ZNF37A: variants seen among roughly 807,000 people sequenced by gnomAD.
ZNF37A encodes the protein zinc finger protein 37A, also known as zinc finger protein 37a (KOX 21).
ZNF37A carries 10 observed loss-of-function variants against 12.3 expected under a neutral mutation model. The ratio of observed to expected loss-of-function variants is 0.82; its 90% CI spans 0.50 to 1.38. The LOEUF (loss-of-function observed/expected upper bound fraction) is 1.38. Among genes scored for constraint, ZNF37A ranks in the 40% most tolerant of loss-of-function variants. ZNF37A has a pLI of 0.00. For synonymous variants in ZNF37A, 207 were observed against 223.0 expected (o/e 0.93, Z 0.64); for missense variants, 580 against 651.2 (o/e 0.89, Z 1.19).
intron 4 of ZNF37A, among the ~76,000 whole-genome samples, 183 bp downstream of exon 4, chr10:38,095,987 C>T (rs558947028): frequency 6.6e-6 from 1 of 152,126 alleles, no homozygotes; most frequent in South Asian, 2.1e-4. Context: ...GAGTTCGAGA[C>T]CAGCCTGGCC....
intron 5 of ZNF37A, among the ~76,000 whole-genome samples, chr10:38,111,485 A>T (rs1358040224): frequency 1.4e-5 from 2 of 140,824 alleles, no homozygotes; most frequent in Non-Finnish European, 3.2e-5. Context: ...GTATAATAAT[A>T]AAAAAAAAAA....
intron 7 of ZNF37A, among the ~76,000 whole-genome samples, chr10:38,135,853 A>G (rs1564387386): frequency 6.6e-6 from 1 of 152,138 alleles, no homozygotes; most frequent in Admixed American, 6.5e-5. Flanking sequence ...TCATGATTCA[A>G]TTACCTCCCA....
intron 5 of ZNF37A, among the ~76,000 whole-genome samples, chr10:38,105,936 T>C (rs1483567981): frequency 2.0e-5 from 3 of 151,930 alleles, no homozygotes; most frequent in Non-Finnish European, 2.9e-5. Context: ...GCAAATAGAG[T>C]AGTTTTACTT....
chr10:38,121,724 CAAAT>C lies in ZNF37A; in HGVS notation c.*2896_*2899del, dbSNP rs972971490. The C allele has an allele frequency of 1.5e-4, 23 of 152,222 alleles. No homozygotes were observed. The highest frequency in any genetic ancestry group is 5.5e-4 in the African/African-American group (23 of 41,532). 9.4% of individuals were successfully genotyped at this position (152,222 alleles called of 1,614,324 possible). On this transcript the variant is annotated 3_prime_UTR_variant, in exon 8 of 8. Transcript: ENST00000685332. ...CTCATATCTTTTAAATATATAGGAACAAATAAATAAATTGTTGTGTGTGCACATA... is the reference window on the plus strand; with the variant it reads ...CTCATATCTTTTAAATATATAGGAACAAATAAATTGTTGTGTGTGCACATA...
rs1407531927 is a variant in ZNF37A at position 38,119,668 on chromosome 10, G to C, written c.*831G>C. On this transcript the variant is annotated 3_prime_UTR_variant, in exon 8 of 8. Transcript: ENST00000685332. Reference sequence around the variant, plus strand: ...TGCTATTTTCTAAGAGACTTCTAAAGACGCCACTCAAGCCAATGGCTATAA... The same window carrying C: ...TGCTATTTTCTAAGAGACTTCTAAACACGCCACTCAAGCCAATGGCTATAA... The C allele has an allele frequency of 6.5e-6, 1 of 153,614 alleles. No homozygotes were observed. Among genetic ancestry groups the C allele is most frequent in the African/African-American group, 2.4e-5 (1 of 41,460 alleles). The allele number at this position is 153,614 out of a possible 1,614,324, so 9.5% of individuals were successfully genotyped here.
In ZNF37A at chr10:38,117,905, T is replaced by C. The variant is rs2069406686; in HGVS notation, c.754T>C (p.Phe252Leu). Reference sequence around the variant, plus strand: ...TGAATATAATGAGTGTGGAACATTTTTCAGTGAAAAATTAGTCCTTCATTT... The same window carrying C: ...TGAATATAATGAGTGTGGAACATTTCTCAGTGAAAAATTAGTCCTTCATTT... The part of the protein sequence containing the change: ...IIEYNECGTF[F>L]SEKLVLHLQQ... The change falls in exon 8 of 8, where the codon TTC becomes CTC. Residue 252 changes from phenylalanine to leucine, a missense_variant. Transcript: ENST00000685332. 1.2e-6 allele frequency: 2 copies of C among 1,613,956 alleles called. No homozygotes were observed. Among genetic ancestry groups the C allele is most frequent in the East Asian group, 4.5e-5 (2 of 44,880 alleles).
In ZNF37A at chr10:38,118,704, C is replaced by A; in HGVS notation, c.1553C>A (p.Thr518Lys). 1 of 1,613,934 alleles carries A rather than the reference C, an allele frequency of 6.2e-7. No homozygotes were observed. The highest frequency in any genetic ancestry group is 8.5e-7 in the Non-Finnish European group (1 of 1,179,952). Residue 518 changes from threonine to lysine, a missense_variant, in exon 8 of 8, where the codon ACA (threonine) becomes AAA (lysine). Thr to Lys is a moderately conservative substitution (Grantham distance 78). Transcript: ENST00000685332. ...CTCATTGCACATCATAGAACACACA[C>A]AGGGGAGAAACCCTATGAATGTAAT... ...SKLIAHHRTH[T>K]GEKPYECNVC...
chr10:38,117,754 T>C lies in ZNF37A; in HGVS notation c.603T>C (p.Tyr201=), dbSNP rs1320225054. The change falls in exon 8 of 8, where the codon TAT becomes TAC. Residue 201 remains tyrosine, a synonymous_variant. Transcript: ENST00000685332. ...HQQTHPRENH[Y]GNECGENIFE... ...AAACACATCCAAGAGAAAACCACTA[T>C]GGTAATGAATGTGGAGAAAATATCT... The C allele has an allele frequency of 6.2e-7, 1 of 1,613,882 alleles. No homozygotes were observed. Among genetic ancestry groups the C allele is most frequent in the African/African-American group, 1.3e-5 (1 of 74,906 alleles).
At position 38,119,350 on chromosome 10, in the gene ZNF37A, G is replaced by C. The variant is rs1409135061; in HGVS notation, c.*513G>C. ...AAAATCATTCTGTGTGAAGTCAAGA[G>C]GCCAGAGAAAATGCACAAACTGTAG... is the stretch of plus-strand genomic sequence containing the variant. On this transcript the variant is annotated 3_prime_UTR_variant, in exon 8 of 8. Transcript: ENST00000685332. 1 of 1,005,272 alleles carries C rather than the reference G, an allele frequency of 9.9e-7. No homozygotes were observed. The highest frequency in any genetic ancestry group is 1.7e-5 in the African/African-American group (1 of 57,312). 62.3% of individuals were successfully genotyped at this position (1,005,272 alleles called of 1,614,324 possible).
intron 5 of ZNF37A, among the ~76,000 whole-genome samples, chr10:38,104,426 G>A (rs763103068): frequency 3.8e-4 from 58 of 151,630 alleles, no homozygotes; most frequent in Non-Finnish European, 1.3e-4. Context: ...TAATTAGATT[G>A]GAGAATTCTG....
chr10:38,131,812 C>T (rs1301582778), intron 7 of ZNF37A, among the ~76,000 whole-genome samples: 3 of 152,136 alleles, frequency 2.0e-5, no homozygotes, highest in African/African-American at 7.2e-5. Flanking sequence ...TTTCTTTCAG[C>T]AGCATTTTAT....
exon 8 of ZNF37A, chr10:38,149,514 C>T (rs751816672): frequency 9.3e-5 from 14 of 149,892 alleles, no homozygotes; most frequent in Middle Eastern, 3.6e-3. Context: ...AGTCCCTATC[C>T]GCTTTTCTTC....
At position 38,114,868 on chromosome 10, in the gene ZNF37A, C is replaced by T; in HGVS notation, c.129C>T (p.His43=). 3 of 1,612,418 alleles carry T rather than the reference C, an allele frequency of 1.9e-6. No homozygotes were observed. Among genetic ancestry groups the T allele is most frequent in the Non-Finnish European group, 2.5e-6 (3 of 1,179,362 alleles). ...YRDVMLENYS[H]LVSVGYCIPK... ...ATGTGATGCTGGAGAACTACAGCCA[C>T]CTTGTCTCAGTAGGTAGGTAGGAAT... Residue 43 remains histidine (H), a synonymous_variant, in exon 6 of 8, where the codon CAC becomes CAT. Transcript: ENST00000685332.
rs894317103 is a variant in ZNF37A, at chr10:38,119,524, A to G, written c.*687A>G. 1 of 515,738 alleles carries G rather than the reference A, an allele frequency of 1.9e-6. No individual in the cohort carries two copies. Among genetic ancestry groups the G allele is most frequent in the Middle Eastern group, 1.0e-3 (1 of 978 alleles). The allele number at this position is 515,738 out of a possible 1,614,324, so 31.9% of individuals were successfully genotyped here. On this transcript the variant is annotated 3_prime_UTR_variant, in exon 8 of 8. Transcript: ENST00000685332. Reference sequence around the variant, plus strand: ...TTTTAAGTTAAAATCTAAATTTAATATAGAACAGAGGTGTTGAGTTGCAGG... The same window carrying G: ...TTTTAAGTTAAAATCTAAATTTAATGTAGAACAGAGGTGTTGAGTTGCAGG...
intron 5 of ZNF37A, among the ~76,000 whole-genome samples, chr10:38,111,630 A>T (rs1303980513): frequency 2.6e-5 from 4 of 152,100 alleles, no homozygotes; most frequent in African/African-American, 9.7e-5. Flanking sequence ...TTTAATCCTA[A>T]TTTCTCTTTT....
In ZNF37A at chr10:38,121,349, GATTT is replaced by G. The variant is rs1227340750; in HGVS notation, c.*2516_*2519del. The G allele has an allele frequency of 2.0e-5, 3 of 152,126 alleles. No homozygotes were observed. In the East Asian group the frequency reaches 5.8e-4, roughly 29 times the overall value. 9.4% of individuals were successfully genotyped at this position (152,126 alleles called of 1,614,324 possible). A position where few individuals can be genotyped will look rare whatever the true frequency, so the allele number is the denominator to read the frequency against. The stretch of plus-strand genomic sequence containing the variant: ...GAGATGTTTATTAGGGCAATCAAAA[GATTT>G]ATTATTTTAAAAAAATCAGTGTGGA... On this transcript the variant is annotated 3_prime_UTR_variant, in exon 8 of 8. Transcript: ENST00000685332.
At chr10:38,106,140 G>A (rs573678383) in intron 5 of ZNF37A, among the ~76,000 whole-genome samples, 2 of 152,130 alleles carry the variant, frequency 1.3e-5, no homozygotes, top group Admixed American at 1.3e-4. Context: ...GCTTTATTAT[G>A]TGGAGGAACA....
At chr10:38,112,805 C>CTTGG (rs2068919665) in intron 5 of ZNF37A, among the ~76,000 whole-genome samples, 1 of 54,526 alleles carries the variant, frequency 1.8e-5, no homozygotes, top group Non-Finnish European at 3.9e-5. Context: ...CTTGTCTTGT[C>CTTGG]TTGTCTTCTT....
In ZNF37A at chr10:38,112,797, T is replaced by A. The variant is rs528853709; in HGVS notation, c.16-1958T>A. On this transcript the variant is annotated intron_variant, in intron 5 of 7. Transcript: ENST00000685332. ...TTTCTTTTCTTTTCTTTTCTTTTCT[T>A]GTCTTGTCTTGTCTTCTTTTCTTTT... 8.7e-5 allele frequency among the ~76,000 whole-genome samples: 5 copies of A among 57,540 alleles called. 1 individual carries two copies. Among genetic ancestry groups the A allele is most frequent in the Non-Finnish European group, 1.2e-4 (3 of 24,966 alleles). The allele number at this position is 57,540 out of a possible 152,430, so 37.7% of individuals were successfully genotyped here.
Sources: allele counts gnomAD v4.1 joint callset (sites outside exome capture counted in the v4.1 genomes callset), GRCh38; gene constraint gnomAD v4.1.1; transcripts MANE v1.5; gene names NCBI Gene and HGNC (gene_info 2026-07-23, HGNC 2026-07-21).